The following PCDHGA5 variants were observed in gnomAD, a reference collection of about 807,000 sequenced individuals.
PCDHGA5 encodes the protein protocadherin gamma subfamily A, 5.
In PCDHGA5, 36 loss-of-function variants were observed where a neutral mutation model predicts 56.7. That is an observed-to-expected ratio of 0.64 (90% confidence interval 0.49 to 0.84). PCDHGA5 has a LOEUF of 0.84. PCDHGA5 is among the 40% of genes least tolerant of loss of function. The pLI is 0.00. For synonymous variants in PCDHGA5, 563 were observed against 520.2 expected (o/e 1.08, Z -1.12); for missense variants, 1,305 against 1,201.5 (o/e 1.09, Z -1.27).
At chr5:141,474,361 T>C (rs2099347915) in intron 1 of PCDHGA5, among the ~76,000 whole-genome samples, 2 of 152,210 alleles carry the variant, frequency 1.3e-5, no homozygotes, top group South Asian at 2.1e-4. Context: ...CATGTCTCAG[T>C]AGGTCTAGAG....
At chr5:141,402,398 ATTG>A (rs1159125909) in intron 1 of PCDHGA5, among the ~76,000 whole-genome samples, 19 of 152,216 alleles carry the variant, frequency 1.2e-4, no homozygotes, top group African/African-American at 4.6e-4. Context: ...ACTTCAGAAA[ATTG>A]TTAAGATACA....
intron 1 of PCDHGA5, among the ~76,000 whole-genome samples, chr5:141,439,557 A>C (rs766239185): frequency 1.2e-4 from 19 of 152,178 alleles, no homozygotes; most frequent in Non-Finnish European, 2.2e-4. Context: ...TTCAGGCTGC[A>C]GTTCTAGAGT....
intron 1 of PCDHGA5, chr5:141,419,971 C>T (rs1254783575): frequency 1.2e-6 from 2 of 1,613,942 alleles, no homozygotes; most frequent in African/African-American, 2.7e-5. Context: ...TGCTCTTTCT[C>T]CTCGCGGTGA....
At chr5:141,483,648 T>TTGTGTG (rs111458813) in intron 1 of PCDHGA5, among the ~76,000 whole-genome samples, 20,229 of 149,628 alleles carry the variant, frequency 0.14, 2,147 homozygotes, top group African/African-American at 0.31. Context: ...GGGTGTGTGT[T>TTGTGTG]TGTGTGTGTG....
intron 2 of PCDHGA5, among the ~76,000 whole-genome samples, chr5:141,500,893 A>G (rs1393294152): frequency 1.1e-5 from 1 of 94,848 alleles, no homozygotes; most frequent in Non-Finnish European, 2.0e-5. Context: ...TTTTTTTGAG[A>G]CAGTCTCGCT....
chr5:141,462,983 T>C (rs530985795), intron 1 of PCDHGA5, among the ~76,000 whole-genome samples: 278 of 152,304 alleles, frequency 1.8e-3, no homozygotes, highest in Non-Finnish European at 3.4e-3. Flanking sequence ...AACTTTTGCC[T>C]TGGGCTAATT....
chr5:141,413,050 G>C (rs868475186), intron 1 of PCDHGA5: 5 of 939,920 alleles, frequency 5.3e-6, no homozygotes, highest in Middle Eastern at 3.3e-4. Flanking sequence ...CTGCAGGGAA[G>C]CTCACTCCAG....
intron 1 of PCDHGA5, among the ~76,000 whole-genome samples, chr5:141,449,331 G>T (rs1054980032): frequency 3.3e-5 from 5 of 151,950 alleles, no homozygotes; most frequent in Admixed American, 3.3e-4. Flanking sequence ...TGTAGGCCAG[G>T]TGCAGTGGCT....
intron 1 of PCDHGA5, chr5:141,372,627 G>A (rs2150009906): frequency 3.1e-6 from 5 of 1,613,974 alleles, no homozygotes; most frequent in Admixed American, 1.7e-5. Context: ...CACCTACAGC[G>A]AAAGGACTTT....
chr5:141,458,823 C>T (rs1185812086), intron 1 of PCDHGA5, among the ~76,000 whole-genome samples: 1 of 152,126 alleles, frequency 6.6e-6, no homozygotes, highest in African/African-American at 2.4e-5. Flanking sequence ...ACCTCTGCCT[C>T]CCAGGCTCAA....
Position 141,476,279 on chromosome 5 carries a change from G to T in PCDHGA5, c.2422-18528G>T. The T allele has an allele frequency of 6.2e-7, 1 of 1,614,148 alleles. No individual in the cohort carries two copies. Among genetic ancestry groups the T allele is most frequent in the Non-Finnish European group, 8.5e-7 (1 of 1,180,024 alleles). On this transcript the variant is annotated intron_variant, in intron 1 of 3. Coordinates refer to ENST00000518069, the MANE Select transcript of PCDHGA5 (RefSeq NM_018918.3). This position sits in a 1 kb window ranked among gnomAD's most constrained non-coding sequence, Gnocchi z 7.6. ...TGTGGGCAACGTGGTCGCGAACCTT[G>T]GTTTGGATCTCGGTAGCCTCTCAGC...
chr5:141,449,837 TAATTA>T (rs1054425190), intron 1 of PCDHGA5, among the ~76,000 whole-genome samples: 11 of 151,856 alleles, frequency 7.2e-5, no homozygotes, highest in Middle Eastern at 3.4e-3. Context: ...TTCTTTTATA[TAATTA>T]AATTTTAATA....
At chr5:141,410,012 C>T (rs1256228205) in intron 1 of PCDHGA5, 24 of 1,613,212 alleles carry the variant, frequency 1.5e-5, no homozygotes, top group Non-Finnish European at 2.0e-5. Context: ...CAACGCCTGG[C>T]TGTCCTACCA....
chr5:141,403,247 A>T, intron 1 of PCDHGA5: 1 of 1,613,910 alleles, frequency 6.2e-7, no homozygotes, highest in Middle Eastern at 1.6e-4. Flanking sequence ...CTGTGCTCAG[A>T]GCCCGCGGTG....
In PCDHGA5 at chr5:141,432,358, G is replaced by A. The variant is rs750696244; in HGVS notation, c.2422-62449G>A. ...TCCGAGACTTGCAAGTGAAAGTGAT[G>A]GCGCGGGACAACGGGCACCCGCCCC... On this transcript the variant is annotated intron_variant, in intron 1 of 3. Transcript: ENST00000518069. This position sits in a 1 kb window ranked among gnomAD's most constrained non-coding sequence, Gnocchi z 6.0. The A allele has an allele frequency of 6.2e-7, 1 of 1,614,122 alleles. No homozygotes were observed. The highest frequency in any genetic ancestry group is 8.5e-7 in the Non-Finnish European group (1 of 1,180,060).
intron 2 of PCDHGA5, 84 bp downstream of exon 2, chr5:141,494,949 C>A (rs1193148622): frequency 6.2e-7 from 1 of 1,606,850 alleles, no homozygotes; most frequent in Non-Finnish European, 8.5e-7. Context: ...GAGGGCCCAG[C>A]ATTTGCTACA....
At chr5:141,437,796 G>A (rs2097911691) in intron 1 of PCDHGA5, among the ~76,000 whole-genome samples, 1 of 150,348 alleles carries the variant, frequency 6.7e-6, no homozygotes, top group South Asian at 2.1e-4. Context: ...GGAGTGCAGT[G>A]GCACTATCTT....
At chr5:141,388,619 C>T (rs369637121) in intron 1 of PCDHGA5, 3 of 1,613,852 alleles carry the variant, frequency 1.9e-6, no homozygotes, top group Non-Finnish European at 2.5e-6. Context: ...TCAGTCAAGA[C>T]GTATACAGGG....
rs1281129906 is a variant in PCDHGA5, at chr5:141,364,703, G to T, written c.373G>T (p.Asp125Tyr). The change falls in exon 1 of 4, where the codon GAT (aspartate) becomes TAT (tyrosine). Residue 125 changes from aspartate (D) to tyrosine (Y), a missense_variant. Physicochemically the swap from Asp to Tyr is radical, Grantham distance 160. Coordinates refer to ENST00000518069, the MANE Select transcript of PCDHGA5 (RefSeq NM_018918.3). ...KIYGVEVEII[D>Y]INDNFPRFRD... ...TTATGGAGTAGAAGTAGAAATAATC[G>T]ATATTAATGATAACTTCCCGCGTTT... is the stretch of plus-strand genomic sequence containing the variant. 4 of 1,613,812 alleles carry T rather than the reference G, an allele frequency of 2.5e-6. No homozygotes were observed. Among genetic ancestry groups the T allele is most frequent in the Non-Finnish European group, 2.5e-6 (3 of 1,179,876 alleles).
Sources: allele counts gnomAD v4.1 joint callset (sites outside exome capture counted in the v4.1 genomes callset), GRCh38; gene constraint gnomAD v4.1.1; non-coding constraint Gnocchi (gnomAD v3.1); transcripts MANE v1.5; gene names NCBI Gene and HGNC (gene_info 2026-07-23, HGNC 2026-07-21).